The following ADK variants were observed in gnomAD, a reference collection of about 807,000 sequenced individuals.
The protein encoded by ADK is N6,N6-dimethyladenosine kinase.
A neutral mutation model predicts 44.7 loss-of-function variants in ADK; 24 were observed. The observed-to-expected ratio is 0.54, with a 90% CI of 0.39 to 0.76. The LOEUF is 0.76. ADK is among the 30% of genes least tolerant of loss of function. The pLI is 0.00. For missense variants in ADK, 321 were observed against 425.1 expected (o/e 0.76, Z 2.15); for synonymous variants, 128 against 142.6 (o/e 0.90, Z 0.73).
intron 2 of ADK, among the ~76,000 whole-genome samples, chr10:74,214,515 C>A (rs1843942541): frequency 6.6e-6 from 1 of 152,184 alleles, no homozygotes; most frequent in African/African-American, 2.4e-5. Context: ...TTATTGTCAT[C>A]TGCTATGTAC....
chr10:74,630,453 C>T (rs988166222), intron 9 of ADK, among the ~76,000 whole-genome samples: 1 of 147,486 alleles, frequency 6.8e-6, no homozygotes, highest in Non-Finnish European at 1.5e-5. Flanking sequence ...TTAACATTAA[C>T]ACTTTTGAAG....
intron 6 of ADK, among the ~76,000 whole-genome samples, chr10:74,451,144 T>C (rs904920688): frequency 6.6e-6 from 1 of 151,130 alleles, no homozygotes; most frequent in Non-Finnish European, 1.5e-5. Flanking sequence ...AAACAATAGT[T>C]TTTATTTCAT....
At chr10:74,488,374 CGTGTGTGTGTGT>C (rs60178427) in intron 6 of ADK, among the ~76,000 whole-genome samples, 10 of 140,868 alleles carry the variant, frequency 7.1e-5, no homozygotes, top group African/African-American at 2.3e-4. Context: ...GGAAAAAAGA[CGTGTGTGTGTGT>C]GTGTGTGTGT....
intron 5 of ADK, among the ~76,000 whole-genome samples, chr10:74,398,099 T>C (rs1843581664): frequency 1.3e-5 from 2 of 152,182 alleles, no homozygotes; most frequent in African/African-American, 4.8e-5. Flanking sequence ...TATAAAGATA[T>C]TTTTCTACTT....
At chr10:74,417,890 G>A (rs913489821) in intron 6 of ADK, among the ~76,000 whole-genome samples, 3 of 151,980 alleles carry the variant, frequency 2.0e-5, no homozygotes, top group Non-Finnish European at 2.9e-5. Context: ...ATTTACTCAC[G>A]TGCACAATAT....
chr10:74,291,226 C>T (rs953206388), intron 3 of ADK, among the ~76,000 whole-genome samples: 6 of 152,052 alleles, frequency 3.9e-5, no homozygotes, highest in African/African-American at 1.4e-4. Context: ...ACCATCCTGG[C>T]TAACACGGTG....
At chr10:74,406,562 G>T (rs1448228364) in intron 6 of ADK, among the ~76,000 whole-genome samples, 10 of 145,294 alleles carry the variant, frequency 6.9e-5, no homozygotes, top group African/African-American at 2.6e-4. Flanking sequence ...AGAAGAAGAA[G>T]AAGAAGCCAC....
In ADK at chr10:74,625,941, G is replaced by T. The variant is rs563312391; in HGVS notation, c.877+25448G>T. Among the ~76,000 whole-genome samples the T allele has an allele frequency of 4.6e-5, 7 of 152,130 alleles. No individual in the cohort carries two copies. The East Asian group carries it at 1.2e-3, about 25-fold the overall frequency. The stretch of plus-strand genomic sequence containing the variant: ...TAACTCATTAATAAAATGTGTAGTT[G>T]ATACTAAATAAATAAATCAACTAGT... On this transcript the variant is annotated intron_variant, in intron 9 of 10. Transcript: ENST00000539909.
intron 7 of ADK, among the ~76,000 whole-genome samples, chr10:74,560,586 A>T (rs1459497513): frequency 6.6e-6 from 1 of 152,234 alleles, no homozygotes; most frequent in Non-Finnish European, 1.5e-5. Context: ...CAATAGTAAA[A>T]ACATGTAACA....
intron 6 of ADK, among the ~76,000 whole-genome samples, chr10:74,474,401 T>C (rs7069901): frequency 6.6e-6 from 1 of 152,158 alleles, no homozygotes; most frequent in Admixed American, 6.5e-5. Context: ...CCACACCTAC[T>C]CTGTATTCGT....
At chr10:74,264,413 A>G (rs1846145617) in intron 3 of ADK, among the ~76,000 whole-genome samples, 1 of 152,146 alleles carries the variant, frequency 6.6e-6, no homozygotes, top group African/African-American at 2.4e-5. Flanking sequence ...TTTTTCTTAT[A>G]CATGTGTTTA....
chr10:74,659,548 C>T (rs1385553179), intron 9 of ADK, among the ~76,000 whole-genome samples: 1 of 152,162 alleles, frequency 6.6e-6, no homozygotes, highest in Admixed American at 6.5e-5. Flanking sequence ...CTCCTATACT[C>T]AAAGGTCTTG....
At chr10:74,208,181 C>T (rs1203913660) in intron 2 of ADK, among the ~76,000 whole-genome samples, 1 of 152,260 alleles carries the variant, frequency 6.6e-6, no homozygotes, top group African/African-American at 2.4e-5. Context: ...GGGGACTTCC[C>T]GGGCCCCAGA....
At chr10:74,351,759 C>G (rs770042287) in intron 4 of ADK, among the ~76,000 whole-genome samples, 2 of 152,062 alleles carry the variant, frequency 1.3e-5, no homozygotes, top group Non-Finnish European at 2.9e-5. Flanking sequence ...ACAAGCATTT[C>G]TATACATCAA....
chr10:74,689,578 G>T (rs988246172), intron 10 of ADK, among the ~76,000 whole-genome samples: 1 of 152,188 alleles, frequency 6.6e-6, no homozygotes, highest in Admixed American at 6.5e-5. Flanking sequence ...TTGCCAAAAT[G>T]TCCAGTGGGA....
intron 3 of ADK, among the ~76,000 whole-genome samples, chr10:74,280,144 G>GT (rs1476906947): frequency 1.3e-5 from 2 of 151,702 alleles, no homozygotes; most frequent in South Asian, 4.2e-4. Context: ...GTGTTTTTTT[G>GT]TTTTTTGTTT....
chr10:74,384,798 A>G (rs1456712732), intron 4 of ADK, among the ~76,000 whole-genome samples: 1 of 152,234 alleles, frequency 6.6e-6, no homozygotes, highest in Non-Finnish European at 1.5e-5. Context: ...TGAAGTATTC[A>G]GTGTACTGGA....
intron 8 of ADK, among the ~76,000 whole-genome samples, chr10:74,595,207 AC>A (rs1851862014): frequency 6.8e-6 from 1 of 147,062 alleles, no homozygotes; most frequent in Admixed American, 6.8e-5. Flanking sequence ...AGGCTCTATG[AC>A]TTTTTCAAAG....
chr10:74,383,408 G>GTCTCTGTCTCTGTC (rs775224013), intron 4 of ADK, among the ~76,000 whole-genome samples: 15 of 150,320 alleles, frequency 1.0e-4, no homozygotes, highest in Admixed American at 2.0e-4. Context: ...CTCTGTCTCT[G>GTCTCTGTCTCTGTC]TCTCTCTCTC....
Sources: allele counts gnomAD v4.1 joint callset (sites outside exome capture counted in the v4.1 genomes callset), GRCh38; gene constraint gnomAD v4.1.1; transcripts MANE v1.5; gene names NCBI Gene and HGNC (gene_info 2026-07-23, HGNC 2026-07-21).